Variants in EHD4 observed in about 807,000 individuals in gnomAD.
EHD4 encodes EH domain-containing protein 4.
Under a neutral mutation model 51.0 loss-of-function variants are expected in EHD4, and 37 were observed. That is an observed-to-expected ratio of 0.73 (90% CI 0.56 to 0.95). EHD4 has a LOEUF of 0.95. EHD4 is among the 40% of genes least tolerant of loss of function. The probability of loss-of-function intolerance (pLI) is 0.00; values close to 1 mark genes in which losing one functional copy is unlikely to be tolerated. For synonymous variants in EHD4, 297 were observed against 317.3 expected, an observed-to-expected ratio of 0.94 and a Z score of 0.68; for missense variants, 632 against 733.1, an observed-to-expected ratio of 0.86 and a Z score of 1.59.
At chr15:41,939,677 G>A (rs2067754233) in intron 3 of EHD4, among the ~76,000 whole-genome samples, 1 of 151,504 alleles carries the variant, frequency 6.6e-6, no homozygotes, top group Non-Finnish European at 1.5e-5. Context: ...GCAGGCACCT[G>A]TAGTCCCAGC....
chr15:41,919,373 C>A lies in EHD4; in HGVS notation c.761G>T (p.Arg254Leu). 6.2e-7 allele frequency: 1 copy of A among 1,613,548 alleles called. No individual in the cohort carries two copies. The highest frequency in any genetic ancestry group is 8.5e-7 in the Non-Finnish European group (1 of 1,179,640). ...CGCCCAGAAGGAGCCAATGTAGACG[C>A]GCAGTACCTCGGGCGTGTTGATGAC... ...GKVINTPEVL[R>L]VYIGSFWAQP... Residue 254 changes from arginine to leucine, a missense_variant, in exon 4 of 6, where the codon CGC (arginine) becomes CTC (leucine). Transcript: ENST00000220325.
chr15:41,955,823 T>A (rs1566826755), intron 1 of EHD4, among the ~76,000 whole-genome samples: 1 of 152,098 alleles, frequency 6.6e-6, no homozygotes. Context: ...CCCATGGGAA[T>A]GTGGAATTTA....
At chr15:41,952,437 G>T (rs1371480223) in intron 2 of EHD4, among the ~76,000 whole-genome samples, 1 of 152,118 alleles carries the variant, frequency 6.6e-6, no homozygotes, top group East Asian at 1.9e-4. Flanking sequence ...GGTGGGAGAG[G>T]GATGATAGGA....
intron 1 of EHD4, among the ~76,000 whole-genome samples, chr15:41,965,080 A>G (rs2067953649): frequency 6.6e-6 from 1 of 152,132 alleles, no homozygotes; most frequent in South Asian, 2.1e-4. Context: ...CCTATTATCT[A>G]TATTTTTTGA....
intron 5 of EHD4, among the ~76,000 whole-genome samples, chr15:41,907,915 C>G (rs1295973555): frequency 6.6e-6 from 1 of 151,600 alleles, no homozygotes; most frequent in Admixed American, 6.6e-5. Context: ...CTGTGTCACC[C>G]AGGCTGGAGT....
intron 3 of EHD4, among the ~76,000 whole-genome samples, chr15:41,932,611 C>T (rs867983764): frequency 3.9e-5 from 6 of 152,108 alleles, no homozygotes; most frequent in African/African-American, 1.4e-4. Flanking sequence ...TCCCTAGATA[C>T]AAGAAAGAGG....
intron 3 of EHD4, among the ~76,000 whole-genome samples, chr15:41,927,513 TA>T (rs1341447850): frequency 6.6e-6 from 1 of 152,034 alleles, no homozygotes; most frequent in Admixed American, 6.6e-5. Flanking sequence ...TATTCAGCCT[TA>T]AAAAAAATTC....
chr15:41,951,091 G>A (rs1335836806), intron 2 of EHD4, among the ~76,000 whole-genome samples: 1 of 152,118 alleles, frequency 6.6e-6, no homozygotes. Flanking sequence ...CATACTATTG[G>A]TCAGCTGGCC....
intron 5 of EHD4, among the ~76,000 whole-genome samples, chr15:41,905,642 G>T (rs1222075433): frequency 6.6e-6 from 1 of 152,124 alleles, no homozygotes; most frequent in African/African-American, 2.4e-5. Flanking sequence ...CTTACAGTGG[G>T]GTTGCTGTCA....
chr15:41,909,903 A>G, intron 4 of EHD4, 40 bp from the exon 5 acceptor site: 1 of 1,610,974 alleles, frequency 6.2e-7, no homozygotes, highest in Non-Finnish European at 8.5e-7. Context: ...GTCATTTAGA[A>G]TTGCATCAGA....
intron 1 of EHD4, among the ~76,000 whole-genome samples, chr15:41,956,540 GA>G (rs2067889572): frequency 6.6e-6 from 1 of 152,294 alleles, no homozygotes; most frequent in South Asian, 2.1e-4. Flanking sequence ...AAATATAAAT[GA>G]AAAAATTGTT....
In EHD4 at chr15:41,898,250, T is replaced by A. The variant is rs2067452609; in HGVS notation, c.*2395A>T. ...GAGCGCAGAGGTAGGGAGATCACAG[T>A]GCCTGAGAGGTTTTCCTCCACGGAG... is the stretch of plus-strand genomic sequence containing the variant. On this transcript the variant is annotated 3_prime_UTR_variant, in exon 6 of 6. Coordinates refer to ENST00000220325, the MANE Select transcript of EHD4 (RefSeq NM_139265.4). 6.6e-6 allele frequency: 1 copy of A among 152,178 alleles called. No homozygotes were observed. The allele number at this position is 152,178 out of a possible 1,614,324, so 9.4% of individuals were successfully genotyped here. A position where few individuals can be genotyped will look rare whatever the true frequency, so the allele number is the denominator to read the frequency against.
chr15:41,937,896 T>G (rs2067742970), intron 3 of EHD4, among the ~76,000 whole-genome samples: 1 of 152,228 alleles, frequency 6.6e-6, no homozygotes, highest in Non-Finnish European at 1.5e-5. Flanking sequence ...AGGTTGGGAC[T>G]GGAAGTGTTT....
intron 3 of EHD4, among the ~76,000 whole-genome samples, chr15:41,933,620 C>A (rs544110440): frequency 1.3e-5 from 2 of 152,268 alleles, no homozygotes; most frequent in African/African-American, 4.8e-5. Context: ...ATCTTTCCCT[C>A]CCACCTTCTA....
intron 1 of EHD4, among the ~76,000 whole-genome samples, chr15:41,958,265 G>A (rs2067900784): frequency 6.6e-6 from 1 of 152,060 alleles, no homozygotes; most frequent in Middle Eastern, 3.4e-3. Flanking sequence ...TTCCAGCAAT[G>A]ATTGCTCCAA....
intron 3 of EHD4, chr15:41,942,240 GTTTT>G (rs1229580647): frequency 9.0e-6 from 1 of 111,714 alleles, no homozygotes; most frequent in Non-Finnish European, 1.7e-5. Context: ...AGGCCCACCG[GTTTT>G]TTGTTTTTTT....
At chr15:41,948,866 A>C (rs930092708) in intron 2 of EHD4, among the ~76,000 whole-genome samples, 12 of 151,134 alleles carry the variant, frequency 7.9e-5, no homozygotes, top group African/African-American at 2.9e-4. Context: ...CTGTCTTTAC[A>C]AAAAATACAA....
At chr15:41,966,626 T>C (rs1278397040) in intron 1 of EHD4, among the ~76,000 whole-genome samples, 1 of 152,180 alleles carries the variant, frequency 6.6e-6, no homozygotes, top group Non-Finnish European at 1.5e-5. Context: ...GGTGGCCGCC[T>C]GCCCACCCCT....
At chr15:41,930,183 A>T (rs1249112211) in intron 3 of EHD4, among the ~76,000 whole-genome samples, 1 of 152,222 alleles carries the variant, frequency 6.6e-6, no homozygotes, top group Non-Finnish European at 1.5e-5. Flanking sequence ...ATGCTTAAGA[A>T]GTCACCCCAT....
Sources: allele counts gnomAD v4.1 joint callset (sites outside exome capture counted in the v4.1 genomes callset), GRCh38; gene constraint gnomAD v4.1.1; transcripts MANE v1.5; gene names NCBI Gene and HGNC (gene_info 2026-07-23, HGNC 2026-07-21).